MCF2L: variants seen among roughly 807,000 people sequenced by gnomAD.
MCF2L encodes the protein guanine nucleotide exchange factor DBS.
A neutral mutation model predicts 153.4 loss-of-function variants in MCF2L; 97 were observed. The ratio of observed to expected loss-of-function variants is 0.63; its 90% CI spans 0.54 to 0.75. MCF2L has a LOEUF of 0.75. MCF2L is among the 30% of genes least tolerant of loss of function. The pLI is 0.00. For synonymous variants in MCF2L, 659 were observed against 632.2 expected (o/e 1.04, Z -0.64); for missense variants, 1,347 against 1,495.2 (o/e 0.90, Z 1.64).
At chr13:113,014,220 C>A (rs570977320) in intron 1 of MCF2L, among the ~76,000 whole-genome samples, 1 of 152,182 alleles carries the variant, frequency 6.6e-6, no homozygotes, top group Non-Finnish European at 1.5e-5. Context: ...CTGTTGCCAT[C>A]CTGCCTCATT....
chr13:113,008,742 T>C (rs1412640609), intron 1 of MCF2L: 1 of 152,232 alleles, frequency 6.6e-6, no homozygotes, highest in Non-Finnish European at 1.5e-5. Context: ...TCTCCTGTTT[T>C]CTCCAAGGTC....
chr13:112,931,929 A>C (rs532589432), intron 2 of MCF2L, among the ~76,000 whole-genome samples: 1 of 152,266 alleles, frequency 6.6e-6, no homozygotes, highest in South Asian at 2.1e-4. Context: ...CAAGATGAAG[A>C]AGCGTGGGTC....
In MCF2L at chr13:113,018,222, G is replaced by A. The variant is rs569575972; in HGVS notation, c.163+3376G>A. 4.1e-4 allele frequency among the ~76,000 whole-genome samples: 62 copies of A among 152,286 alleles called. 1 individual carries two copies. The Middle Eastern group carries it at 0.01, about 25-fold the overall frequency. Reference sequence around the variant, plus strand: ...GCCGCCCAAAGTCAGGACGAGCTGCGGAAGTCACACCTGGACTCTGTGTCT... The same window carrying A: ...GCCGCCCAAAGTCAGGACGAGCTGCAGAAGTCACACCTGGACTCTGTGTCT... On this transcript the variant is annotated intron_variant, in intron 2 of 29. Coordinates refer to ENST00000535094, the MANE Select transcript of MCF2L (RefSeq NM_001112732.3).
In MCF2L at chr13:112,902,357, C is replaced by T. The variant is rs193262371; in HGVS notation, c.155C>T (p.Thr52Met). Residue 52 changes from threonine (T) to methionine (M), a missense_variant, in exon 2 of 30, where the codon ACG becomes ATG. Transcript: ENST00000375608. ...CTTGTTCAAGACACACCGGAGGCGA[C>T]GGCCATGGCCACAGGTAGGCGCCTG... is the stretch of plus-strand genomic sequence containing the variant. 438 of 1,612,318 alleles carry T rather than the reference C, an allele frequency of 2.7e-4. 1 individual carries two copies. In the African/African-American group the frequency reaches 4.8e-3, roughly 18 times the overall value.
At chr13:113,015,459 G>A (rs950616104) in intron 2 of MCF2L, among the ~76,000 whole-genome samples, 1 of 152,092 alleles carries the variant, frequency 6.6e-6, no homozygotes, top group African/African-American at 2.4e-5. Flanking sequence ...GCTGAGGAGG[G>A]TGCCCCGATG....
chr13:112,902,043 C>T (rs9603986), intron 1 of MCF2L, among the ~76,000 whole-genome samples: 4,445 of 152,280 alleles, frequency 0.029, 91 homozygotes, highest in East Asian at 0.047. Flanking sequence ...GGAAATTGAC[C>T]GGAGAAGAAT....
rs2085450190 is a variant in MCF2L, at chr13:113,028,557, G to A, written c.278+3799G>A. ...TGGCCGGAGCGCAGGCCCAGTCCCCGCTGTGGACACGCGGGCCCCAGGTTG... is the reference window on the plus strand; with the variant it reads ...TGGCCGGAGCGCAGGCCCAGTCCCCACTGTGGACACGCGGGCCCCAGGTTG... On this transcript the variant is annotated intron_variant, in intron 3 of 29. Coordinates refer to ENST00000535094, the MANE Select transcript of MCF2L (RefSeq NM_001112732.3). The surrounding 1 kb of genome is among the most constrained non-coding windows in gnomAD (Gnocchi z 5.4). Among the ~76,000 whole-genome samples the A allele has an allele frequency of 6.6e-6, 1 of 152,226 alleles. No individual in the cohort carries two copies. The highest frequency in any genetic ancestry group is 2.4e-5 in the African/African-American group (1 of 41,452).
chr13:112,968,702 G>C (rs780673058), upstream of MCF2L: 19 of 1,414,250 alleles, frequency 1.3e-5, no homozygotes, highest in African/African-American at 3.0e-5. Flanking sequence ...CACCTGCCAC[G>C]GGGCGGCCGG....
intron 1 of MCF2L, among the ~76,000 whole-genome samples, 182 bp from the exon 2 acceptor site, chr13:113,014,581 C>G (rs1389524963): frequency 6.6e-6 from 1 of 152,204 alleles, no homozygotes; most frequent in Non-Finnish European, 1.5e-5. Flanking sequence ...CAACACACAG[C>G]TTTTATGCGC....
Position 113,064,754 on chromosome 13 carries a change from G to A in MCF2L, c.607-182G>A. On this transcript the variant is annotated intron_variant, in intron 6 of 29. Coordinates refer to ENST00000535094, the MANE Select transcript of MCF2L (RefSeq NM_001112732.3). The surrounding 1 kb of genome is among the most constrained non-coding windows in gnomAD (Gnocchi z 6.0). ...ACGGGCACACGTGTAGAGTGTGCCT[G>A]GTATGTTTCTGAAGAGGTCAAGGAG... 2 of 643,002 alleles carry A rather than the reference G, an allele frequency of 3.1e-6. No individual in the cohort carries two copies. 39.8% of individuals were successfully genotyped at this position (643,002 alleles called of 1,614,324 possible).
At chr13:113,041,984 A>G (rs1275012781) in intron 3 of MCF2L, among the ~76,000 whole-genome samples, 2 of 152,188 alleles carry the variant, frequency 1.3e-5, no homozygotes, top group East Asian at 3.8e-4. Flanking sequence ...GGAGAGGATC[A>G]TAGCACCAGC....
At chr13:112,954,017 T>C (rs1370668782) in intron 2 of MCF2L, among the ~76,000 whole-genome samples, 1 of 152,230 alleles carries the variant, frequency 6.6e-6, no homozygotes, top group Non-Finnish European at 1.5e-5. Context: ...TGGGCTTGGC[T>C]TGTGCACCAC....
chr13:113,063,951 T>A, intron 5 of MCF2L: 1 of 420,678 alleles, frequency 2.4e-6, no homozygotes, highest in Non-Finnish European at 4.8e-6. Flanking sequence ...GCCTGTGGCA[T>A]GGATGACCCG....
At chr13:112,992,515 G>A (rs1278799614) in intron 1 of MCF2L, among the ~76,000 whole-genome samples, 4 of 152,230 alleles carry the variant, frequency 2.6e-5, no homozygotes, top group East Asian at 1.9e-4. Flanking sequence ...CCCGCCGTGC[G>A]TCTGTGGTGG....
rs759827930 is a variant in MCF2L, at chr13:112,951,453, A to C, written c.169+49082A>C. On this transcript the variant is annotated intron_variant, in intron 2 of 29. Coordinates refer to the MCF2L transcript ENST00000375608. The surrounding 1 kb of genome is among the most constrained non-coding windows in gnomAD (Gnocchi z 4.8). ...GCAGTCAAAAACTGGAAAGAACCCC[A>C]ATGTCTTTTGGTGGGTGAAACGTTA... is the stretch of plus-strand genomic sequence containing the variant. Among the ~76,000 whole-genome samples, 6 of 152,182 alleles carry C rather than the reference A, an allele frequency of 3.9e-5. No individual in the cohort carries two copies. Among genetic ancestry groups the C allele is most frequent in the Admixed American group, 3.3e-4 (5 of 15,276 alleles).
At position 113,064,516 on chromosome 13, in the gene MCF2L, C is replaced by G. The variant is rs2032056192; in HGVS notation, c.606+96C>G. 1.3e-6 allele frequency: 1 copy of G among 763,824 alleles called. No homozygotes were observed. 47.3% of individuals were successfully genotyped at this position (763,824 alleles called of 1,614,324 possible). The stretch of plus-strand genomic sequence containing the variant: ...TACAACACGGCCCTTTCCAAAAACA[C>G]ATTCACATTAACAGTCGTTTTCTTT... On this transcript the variant is annotated intron_variant, in intron 6 of 29. Coordinates refer to ENST00000535094, the MANE Select transcript of MCF2L (RefSeq NM_001112732.3). This position sits in a 1 kb window ranked among gnomAD's most constrained non-coding sequence, Gnocchi z 6.0.
intron 2 of MCF2L, among the ~76,000 whole-genome samples, chr13:112,920,599 G>C (rs1051728726): frequency 2.0e-5 from 3 of 151,928 alleles, no homozygotes; most frequent in Admixed American, 2.0e-4. Context: ...TGCGGTTACC[G>C]GGCTGCTCTG....
At chr13:113,078,577 C>T (rs2033766424) in intron 14 of MCF2L, 89 bp from the exon 15 acceptor site, 10 of 1,421,286 alleles carry the variant, frequency 7.0e-6, no homozygotes, top group Admixed American at 3.8e-5. Flanking sequence ...AGCCCTGTCC[C>T]CATACGGGAA....
At chr13:113,060,004 GA>G (rs2031098029) in intron 4 of MCF2L, among the ~76,000 whole-genome samples, 1 of 152,246 alleles carries the variant, frequency 6.6e-6, no homozygotes, top group East Asian at 1.9e-4. Flanking sequence ...CCCAGCCCCG[GA>G]GGCGGAGTCT....
Sources: gnomAD v4.1 joint callset for allele counts (sites outside exome capture counted in the v4.1 genomes callset) on GRCh38, gnomAD v4.1.1 for gene constraint, Gnocchi (gnomAD v3.1) non-coding constraint, MANE v1.5 for transcripts, NCBI Gene and HGNC (gene_info 2026-07-23, HGNC 2026-07-21) for gene names.